The following PRDM1 variants were observed in gnomAD, a reference collection of about 807,000 sequenced individuals.
PRDM1 encodes the protein PR/SET domain 1, also known as PR domain zinc finger protein 1.
A neutral mutation model predicts 62.8 loss-of-function variants in PRDM1; 13 were observed. The observed-to-expected ratio is 0.21, with a 90% CI of 0.13 to 0.33. The LOEUF is 0.33. Ranked by LOEUF, PRDM1 falls within the 10% of genes least tolerant of loss-of-function variation. PRDM1 has a pLI of 1.00. For synonymous variants in PRDM1, 396 were observed against 417.6 expected (o/e 0.95, Z 0.63); for missense variants, 895 against 1,058.8 (o/e 0.85, Z 2.15).
chr6:106,013,739 G>A (rs1390032587), intron 1 of PRDM1, among the ~76,000 whole-genome samples: 2 of 152,134 alleles, frequency 1.3e-5, no homozygotes, highest in Non-Finnish European at 2.9e-5. Context: ...TAGAGATTCC[G>A]CTGCTGAAGT....
chr6:106,107,217 G>A lies in PRDM1; in HGVS notation c.2209G>A (p.Asp737Asn), dbSNP rs764756981. 1.9e-6 allele frequency: 3 copies of A among 1,614,220 alleles called. No individual in the cohort carries two copies. Among genetic ancestry groups the A allele is most frequent in the Non-Finnish European group, 2.5e-6 (3 of 1,180,038 alleles). Residue 737 changes from aspartate to asparagine, a missense_variant, in exon 7 of 7, where the codon GAC becomes AAC. Transcript: ENST00000369096. The part of the protein sequence containing the change: ...NEEIEKFDIS[D>N]NADRLEDVED... Reference sequence around the variant, plus strand: ...AGAAATCGAGAAGTTTGACATCAGTGACAATGCTGACCGGCTCGAGGACGT... The same window carrying A: ...AGAAATCGAGAAGTTTGACATCAGTAACAATGCTGACCGGCTCGAGGACGT...
chr6:106,018,927 T>C (rs1338550645), intron 1 of PRDM1, among the ~76,000 whole-genome samples: 1 of 152,106 alleles, frequency 6.6e-6, no homozygotes, highest in African/African-American at 2.4e-5. Context: ...TTCCACCTCC[T>C]TGGGGACAGA....
At chr6:106,060,251 T>A (rs1423078109) in intron 1 of PRDM1, among the ~76,000 whole-genome samples, 1 of 150,294 alleles carries the variant, frequency 6.7e-6, no homozygotes. Flanking sequence ...AACAGGAGAG[T>A]GGAATAGTCC....
At chr6:106,055,884 C>G (rs1303086347) in intron 1 of PRDM1, among the ~76,000 whole-genome samples, 1 of 152,084 alleles carries the variant, frequency 6.6e-6, no homozygotes, top group Non-Finnish European at 1.5e-5. Flanking sequence ...CAAGGCACAA[C>G]CATCACTTTA....
rs750519043 is a variant in PRDM1, at chr6:106,107,080, A to G, written c.2072A>G (p.Gln691Arg). 6 of 1,614,114 alleles carry G rather than the reference A, an allele frequency of 3.7e-6. No individual in the cohort carries two copies. The African/African-American group carries it at 8.0e-5, about 22-fold the overall frequency. The stretch of plus-strand genomic sequence containing the variant: ...CGGGAGCGGCCCCACAAGTGCTCCC[A>G]GTGCCACAAGAACTACATCCATCTC... ...HTRERPHKCS[Q>R]CHKNYIHLCS... Residue 691 changes from glutamine to arginine, a missense_variant, in exon 7 of 7, where the codon CAG (glutamine) becomes CGG (arginine). Around this residue, in one of 4 missense-constraint regions of PRDM1, gnomAD observed 164 missense variants for 179.9 expected, o/e 0.91. Transcript: ENST00000369096.
At chr6:106,024,634 A>G (rs1468106625) in intron 1 of PRDM1, among the ~76,000 whole-genome samples, 1 of 152,202 alleles carries the variant, frequency 6.6e-6, no homozygotes, top group Non-Finnish European at 1.5e-5. Flanking sequence ...GTCACATAAG[A>G]CAGTGTGGAG....
At chr6:106,037,923 G>A (rs139437349) in intron 1 of PRDM1, among the ~76,000 whole-genome samples, 124 of 149,926 alleles carry the variant, frequency 8.3e-4, no homozygotes, top group African/African-American at 3.0e-3. Flanking sequence ...TATGTGTCTT[G>A]TGATTGTTGC....
At chr6:106,031,555 T>G (rs1772844799) in intron 1 of PRDM1, among the ~76,000 whole-genome samples, 1 of 152,240 alleles carries the variant, frequency 6.6e-6, no homozygotes, top group African/African-American at 2.4e-5. Flanking sequence ...ATCTTCAGTT[T>G]CCTGAGATTG....
chr6:106,036,121 C>T (rs1269033244), intron 1 of PRDM1, among the ~76,000 whole-genome samples: 1 of 151,978 alleles, frequency 6.6e-6, no homozygotes, highest in Non-Finnish European at 1.5e-5. Context: ...ACCCTCATTT[C>T]CTGCATTACT....
intron 1 of PRDM1, among the ~76,000 whole-genome samples, chr6:106,002,618 TATC>T (rs1285091374): frequency 6.6e-6 from 1 of 152,236 alleles, no homozygotes; most frequent in Non-Finnish European, 1.5e-5. Flanking sequence ...TATTTTTTAT[TATC>T]CTCATCAAAT....
intron 1 of PRDM1, among the ~76,000 whole-genome samples, chr6:106,039,322 T>C (rs1772961944): frequency 6.6e-6 from 1 of 152,236 alleles, no homozygotes; most frequent in Admixed American, 6.5e-5. Context: ...ATGGATTTTA[T>C]TAAATCCAAG....
rs1450365583 is a variant in PRDM1 at position 105,994,886 on chromosome 6, G to T, written c.-67+1247G>T. Among the ~76,000 whole-genome samples the T allele has an allele frequency of 2.6e-5, 4 of 152,234 alleles. No individual in the cohort carries two copies. Among genetic ancestry groups the T allele is most frequent in the Non-Finnish European group, 4.4e-5 (3 of 68,032 alleles). ...CGGCCACGCGGTCCGACCGGGTCCG[G>T]GGACGGCGCGCTTGTCGCGGGAGCC... On this transcript the variant is annotated intron_variant, in intron 1 of 6. Coordinates refer to the PRDM1 transcript ENST00000652320. This position sits in a 1 kb window ranked among gnomAD's most constrained non-coding sequence, Gnocchi z 4.1.
chr6:106,080,322 C>T (rs1488493305), intron 1 of PRDM1, among the ~76,000 whole-genome samples: 2 of 152,114 alleles, frequency 1.3e-5, no homozygotes, highest in Non-Finnish European at 2.9e-5. Flanking sequence ...CTGATGTGCC[C>T]GTGAGCATGA....
chr6:106,054,820 G>A (rs1452189652), intron 1 of PRDM1, among the ~76,000 whole-genome samples: 1 of 152,062 alleles, frequency 6.6e-6, no homozygotes, highest in Non-Finnish European at 1.5e-5. Context: ...TGCCATAAAA[G>A]GTATATATTT....
intron 1 of PRDM1, among the ~76,000 whole-genome samples, chr6:106,027,210 C>T (rs1021018495): frequency 6.6e-6 from 1 of 152,148 alleles, no homozygotes; most frequent in Non-Finnish European, 1.5e-5. Flanking sequence ...AGACATTAAT[C>T]GCTGCACTTG....
intron 1 of PRDM1, among the ~76,000 whole-genome samples, chr6:106,006,772 T>G (rs1393736151): frequency 6.6e-6 from 1 of 151,872 alleles, no homozygotes; most frequent in East Asian, 1.9e-4. Context: ...GGGAAAAGAA[T>G]ATTGAACTGG....
intron 1 of PRDM1, among the ~76,000 whole-genome samples, chr6:106,007,195 G>T (rs536911370): frequency 3.6e-4 from 54 of 152,010 alleles, no homozygotes; most frequent in African/African-American, 1.3e-3. Flanking sequence ...ACTTTGGGAG[G>T]CCGAGGAGGG....
At chr6:106,061,587 C>T (rs1229227116) in intron 1 of PRDM1, among the ~76,000 whole-genome samples, 1 of 152,198 alleles carries the variant, frequency 6.6e-6, no homozygotes, top group Non-Finnish European at 1.5e-5. Context: ...TCCTCTACTT[C>T]ATTTTGGCCA....
At position 106,088,399 on chromosome 6, in the gene PRDM1, G is replaced by A. The variant is rs1450374584; in HGVS notation, c.241G>A (p.Ala81Thr). ...TGGCGGTACTTCGGTTCAGGCGGAGGCATCCTTACCAAGGAATCTGCTTTT... is the reference window on the plus strand; with the variant it reads ...TGGCGGTACTTCGGTTCAGGCGGAGACATCCTTACCAAGGAATCTGCTTTT... ...ADGGTSVQAE[A>T]SLPRNLLFKY... Residue 81 changes from alanine to threonine, a missense_variant, in exon 2 of 7, where the codon GCA becomes ACA. This residue lies in a region of PRDM1 where 213 missense variants were observed against 283.9 expected (regional missense o/e 0.75). Transcript: ENST00000369096. The A allele has an allele frequency of 6.2e-7, 1 of 1,614,052 alleles. No individual in the cohort carries two copies. The highest frequency in any genetic ancestry group is 1.3e-5 in the African/African-American group (1 of 74,886).
Sources: allele counts gnomAD v4.1 joint callset (sites outside exome capture counted in the v4.1 genomes callset), GRCh38; gene constraint gnomAD v4.1.1; regional missense constraint gnomAD v4.1.1; non-coding constraint Gnocchi (gnomAD v3.1); transcripts MANE v1.5; gene names NCBI Gene and HGNC (gene_info 2026-07-23, HGNC 2026-07-21).